CNTNAP4: variants seen among roughly 807,000 people sequenced by gnomAD.
The protein encoded by CNTNAP4 is contactin-associated protein-like 4.
CNTNAP4 carries 98 observed loss-of-function variants against 148.4 expected under a neutral mutation model. The ratio of observed to expected loss-of-function variants is 0.66; its 90% CI spans 0.56 to 0.78. CNTNAP4 has a LOEUF of 0.78. Among genes scored for constraint, CNTNAP4 ranks in the 30% least tolerant of loss-of-function variants. The pLI is 0.00. For missense variants in CNTNAP4, 1,935 were observed against 1,565.6 expected (o/e 1.24, Z -3.98); for synonymous variants, 730 against 565.1 (o/e 1.29, Z -4.14).
chr16:76,445,718 T>G (rs545026736), intron 4 of CNTNAP4, among the ~76,000 whole-genome samples: 4 of 152,242 alleles, frequency 2.6e-5, no homozygotes, highest in African/African-American at 9.6e-5. Context: ...GTAGCTAAAG[T>G]AACACAAGCT....
intron 17 of CNTNAP4, among the ~76,000 whole-genome samples, chr16:76,525,342 A>G (rs1336224096): frequency 6.6e-6 from 1 of 151,674 alleles, no homozygotes; most frequent in Non-Finnish European, 1.5e-5. Context: ...TACTAGGACC[A>G]AAGAGTTCTG....
At chr16:76,388,638 A>G (rs1202981855) in intron 3 of CNTNAP4, among the ~76,000 whole-genome samples, 1 of 152,242 alleles carries the variant, frequency 6.6e-6, no homozygotes, top group Non-Finnish European at 1.5e-5. Context: ...CTGATATATA[A>G]TAGTAATTCC....
Position 76,521,156 on chromosome 16 carries a change from A to C in CNTNAP4, c.2382A>C (p.Ser794=). 1 of 1,585,030 alleles carries C rather than the reference A, an allele frequency of 6.3e-7. No homozygotes were observed. Among genetic ancestry groups the C allele is most frequent in the Non-Finnish European group, 8.5e-7 (1 of 1,171,698 alleles). The change falls in exon 16 of 24, where the codon TCA becomes TCC. Residue 794 remains serine (S), a synonymous_variant. Coordinates refer to ENST00000611870, the MANE Select transcript of CNTNAP4 (RefSeq NM_033401.5). ...ACAAAACAGGATCATTTTGGAATTCAGCTTCCTTTGATACCGAGGCTTCAT... is the reference window on the plus strand; with the variant it reads ...ACAAAACAGGATCATTTTGGAATTCCGCTTCCTTTGATACCGAGGCTTCAT... The part of the protein sequence containing the change: ...LCQGDRSFWN[S]ASFDTEASYL...
chr16:76,425,268 C>G (rs2079345672), intron 3 of CNTNAP4, among the ~76,000 whole-genome samples: 1 of 152,160 alleles, frequency 6.6e-6, no homozygotes, highest in South Asian at 2.1e-4. Context: ...AGGTAAGTGT[C>G]CCTGCCATGG....
At chr16:76,319,541 G>T (rs367879472) in intron 2 of CNTNAP4, among the ~76,000 whole-genome samples, 1 of 152,180 alleles carries the variant, frequency 6.6e-6, no homozygotes, top group East Asian at 1.9e-4. Flanking sequence ...ACCGATGAAG[G>T]TGACCTTATT....
chr16:76,351,016 T>C (rs748919866), intron 2 of CNTNAP4, among the ~76,000 whole-genome samples: 7 of 152,152 alleles, frequency 4.6e-5, no homozygotes, highest in Non-Finnish European at 1.0e-4. Flanking sequence ...GCGTAAATTA[T>C]CATTAACCAT....
chr16:76,339,966 G>A (rs535110197), intron 2 of CNTNAP4, among the ~76,000 whole-genome samples: 2 of 152,176 alleles, frequency 1.3e-5, no homozygotes, highest in Non-Finnish European at 2.9e-5. Context: ...GAGGTGGAGG[G>A]AAGGAAGTCC....
intron 2 of CNTNAP4, among the ~76,000 whole-genome samples, chr16:76,345,726 A>C (rs1010161496): frequency 6.6e-6 from 1 of 152,218 alleles, no homozygotes; most frequent in African/African-American, 2.4e-5. Context: ...CTTGAGAAAG[A>C]TATCCCTGGA....
At chr16:76,310,038 A>G (rs1048048053) in intron 1 of CNTNAP4, 3 of 595,566 alleles carry the variant, frequency 5.0e-6, no homozygotes, top group South Asian at 2.0e-5. Flanking sequence ...TGCTTCAGAC[A>G]GAAGTCTGGC....
intron 3 of CNTNAP4, among the ~76,000 whole-genome samples, chr16:76,379,196 A>G (rs1379011111): frequency 6.6e-6 from 1 of 152,070 alleles, no homozygotes; most frequent in African/African-American, 2.4e-5. Context: ...TCCAATTCAC[A>G]GTGCTACATG....
intron 17 of CNTNAP4, among the ~76,000 whole-genome samples, chr16:76,533,774 C>T (rs578208479): frequency 3.9e-5 from 6 of 152,064 alleles, no homozygotes; most frequent in Non-Finnish European, 8.8e-5. Flanking sequence ...AACTCCATGC[C>T]TACCATGCCC....
intron 2 of CNTNAP4, among the ~76,000 whole-genome samples, chr16:76,339,648 GAC>G (rs1964307254): frequency 2.6e-5 from 4 of 152,266 alleles, no homozygotes; most frequent in Admixed American, 2.6e-4. Context: ...TTATGGGAAA[GAC>G]AAAGCTCTTA....
At chr16:76,317,470 A>T (rs1013841745) in intron 2 of CNTNAP4, among the ~76,000 whole-genome samples, 1 of 152,216 alleles carries the variant, frequency 6.6e-6, no homozygotes, top group African/African-American at 2.4e-5. Flanking sequence ...TTCATAACAT[A>T]CTAAGGTAAA....
At chr16:76,489,485 T>C (rs2082134555) in intron 12 of CNTNAP4, among the ~76,000 whole-genome samples, 1 of 152,232 alleles carries the variant, frequency 6.6e-6, no homozygotes. Flanking sequence ...ATGGCAATAG[T>C]ATATATTTTA....
intron 3 of CNTNAP4, among the ~76,000 whole-genome samples, chr16:76,412,669 A>ATT (rs150524087): frequency 6.6e-6 from 1 of 150,934 alleles, no homozygotes; most frequent in African/African-American, 2.4e-5. Flanking sequence ...GCATTTAAAT[A>ATT]CTTTTTTCTC....
chr16:76,371,719 A>T (rs1413564941), intron 3 of CNTNAP4, among the ~76,000 whole-genome samples: 1 of 152,172 alleles, frequency 6.6e-6, no homozygotes, highest in Non-Finnish European at 1.5e-5. Flanking sequence ...GGCATATTTC[A>T]CTGATGGTTT....
intron 3 of CNTNAP4, among the ~76,000 whole-genome samples, chr16:76,377,295 G>A (rs1217716560): frequency 6.6e-6 from 1 of 152,056 alleles, no homozygotes; most frequent in Non-Finnish European, 1.5e-5. Flanking sequence ...ATAATGTTTG[G>A]CCAAATGTGT....
intron 4 of CNTNAP4, among the ~76,000 whole-genome samples, chr16:76,446,541 G>A (rs554224580): frequency 6.6e-6 from 1 of 152,212 alleles, no homozygotes; most frequent in South Asian, 2.1e-4. Flanking sequence ...CAGATGAAAT[G>A]AGTAAGAGTG....
chr16:76,345,022 C>G lies in CNTNAP4; in HGVS notation c.197-10296C>G, dbSNP rs992924658. Among the ~76,000 whole-genome samples the G allele has an allele frequency of 1.1e-4, 17 of 152,196 alleles. No individual in the cohort carries two copies. In the South Asian group the frequency reaches 3.5e-3, roughly 32 times the overall value. ...GAGTCTGATTGAGTTGATCCTAACA[C>G]TGGATATTTATTGATATACACTATG... On this transcript the variant is annotated intron_variant, in intron 2 of 23. Transcript: ENST00000611870.
Sources: gnomAD v4.1 joint callset for allele counts (sites outside exome capture counted in the v4.1 genomes callset) on GRCh38, gnomAD v4.1.1 for gene constraint, MANE v1.5 for transcripts, NCBI Gene and HGNC (gene_info 2026-07-23, HGNC 2026-07-21) for gene names.